Variants in CLN8 observed in about 807,000 individuals in gnomAD.
The protein encoded by CLN8 is protein CLN8.
Under a neutral mutation model 15.7 loss-of-function variants are expected in CLN8, and 14 were observed. The observed-to-expected ratio is 0.89, with a 90% confidence interval of 0.59 to 1.39. CLN8 has a LOEUF of 1.39. CLN8 is among the 40% of genes most tolerant of loss of function. The pLI, the probability that CLN8 is intolerant of heterozygous loss-of-function variation, is 0.00. For missense variants in CLN8, 415 were observed against 364.0 expected (o/e 1.14, Z -1.14); for synonymous variants, 188 against 151.0 (o/e 1.25, Z -1.80).
chr8:1,774,885 G>A lies in CLN8; in HGVS notation c.543+3288G>A, dbSNP rs550123324. Reference sequence around the variant, plus strand: ...GTCTGTAGTACCAGCCAATTGGGAGGCTAAGGTGGGAGGATCGCCTGGGAG... The same window carrying A: ...GTCTGTAGTACCAGCCAATTGGGAGACTAAGGTGGGAGGATCGCCTGGGAG... On this transcript the variant is annotated intron_variant, in intron 2 of 2. Transcript: ENST00000331222. 3.3e-5 allele frequency among the ~76,000 whole-genome samples: 5 copies of A among 152,272 alleles called. No individual in the cohort carries two copies. In the East Asian group the frequency reaches 7.7e-4, roughly 24 times the overall value.
chr8:1,780,083 T>G, intron 2 of CLN8, 167 bp from the exon 3 acceptor site: 1 of 985,464 alleles, frequency 1.0e-6, no homozygotes, highest in Non-Finnish European at 1.2e-6. Flanking sequence ...GTGGCCTCCT[T>G]TCAGAATGAA....
At position 1,785,204 on chromosome 8, in the gene CLN8, G is replaced by T; in HGVS notation, c.*4637G>T. 1 of 166,918 alleles carries T rather than the reference G, an allele frequency of 6.0e-6. No homozygotes were observed. Among genetic ancestry groups the T allele is most frequent in the Non-Finnish European group, 1.3e-5 (1 of 75,626 alleles). The allele number at this position is 166,918 out of a possible 1,614,324, so 10.3% of individuals were successfully genotyped here. On this transcript the variant is annotated 3_prime_UTR_variant, in exon 3 of 3. Transcript: ENST00000331222. ...CTCCTCAGGCTTGCGGCTCGGCCGCGAAGTGTGTCAGGTGTGCATCCTGGG... is the reference window on the plus strand; with the variant it reads ...CTCCTCAGGCTTGCGGCTCGGCCGCTAAGTGTGTCAGGTGTGCATCCTGGG...
upstream of CLN8, chr8:1,763,428 G>C (rs1204607352): frequency 1.4e-4 from 2 of 13,950 alleles, no homozygotes; most frequent in Admixed American, 9.2e-4. Flanking sequence ...CCCGCCCCCC[G>C]CCGCGCCCCG....
chr8:1,780,178 C>A, intron 2 of CLN8, 72 bp from the exon 3 acceptor site: 1 of 1,613,302 alleles, frequency 6.2e-7, no homozygotes, highest in Non-Finnish European at 8.5e-7. Context: ...GTAGCAAATA[C>A]CTTTTTGTGA....
rs1354938162 is a variant in CLN8 at position 1,780,362 on chromosome 8, G to C, written c.656G>C (p.Trp219Ser). ...YHMWWVCFWH[W>S]DGLVSSLYLP... ...ATGTGGTGGGTGTGTTTCTGGCACT[G>C]GGACGGCCTGGTCAGCAGCCTGTAT... The change falls in exon 3 of 3, where the codon TGG (tryptophan) becomes TCG (serine). Residue 219 changes from tryptophan to serine, a missense_variant. Coordinates refer to ENST00000331222, the MANE Select transcript of CLN8 (RefSeq NM_018941.4). 6.2e-7 allele frequency: 1 copy of C among 1,614,140 alleles called. No homozygotes were observed. Among genetic ancestry groups the C allele is most frequent in the South Asian group, 1.1e-5 (1 of 91,092 alleles).
upstream of CLN8, among the ~76,000 whole-genome samples, chr8:1,755,610 G>C (rs146289178): frequency 2.8e-4 from 42 of 152,266 alleles, no homozygotes; most frequent in African/African-American, 9.4e-4. Context: ...GATCACAACC[G>C]GTCTGCCCAG....
chr8:1,780,638 G>A lies in CLN8; in HGVS notation c.*71G>A. On this transcript the variant is annotated 3_prime_UTR_variant, in exon 3 of 3. Coordinates refer to ENST00000331222, the MANE Select transcript of CLN8 (RefSeq NM_018941.4). ...ATTCTGGGAAGCCCCGCGAATGATG[G>A]CTTTTGAATTAATGAGGCAGTGAAT... 7.0e-7 allele frequency: 1 copy of A among 1,424,350 alleles called. No individual in the cohort carries two copies. The highest frequency in any genetic ancestry group is 9.8e-7 in the Non-Finnish European group (1 of 1,020,396). 88.2% of individuals were successfully genotyped at this position (1,424,350 alleles called of 1,614,324 possible).
intron 2 of CLN8, among the ~76,000 whole-genome samples, chr8:1,775,732 T>C (rs1241467401): frequency 1.3e-5 from 2 of 152,202 alleles, no homozygotes; most frequent in African/African-American, 4.8e-5. Flanking sequence ...TTCATCACTG[T>C]GTGGGGCCTT....
chr8:1,777,134 G>A (rs1801552321), intron 2 of CLN8, among the ~76,000 whole-genome samples: 1 of 152,134 alleles, frequency 6.6e-6, no homozygotes, highest in Non-Finnish European at 1.5e-5. Context: ...AAAGCCCATT[G>A]TTCCCAGGCT....
intron 2 of CLN8, among the ~76,000 whole-genome samples, chr8:1,772,327 T>C (rs1801345805): frequency 6.6e-6 from 1 of 152,236 alleles, no homozygotes; most frequent in African/African-American, 2.4e-5. Flanking sequence ...GTTGTACTAG[T>C]GCTCAGAAGT....
At chr8:1,778,529 G>A (rs941819132) in intron 2 of CLN8, among the ~76,000 whole-genome samples, 2 of 152,218 alleles carry the variant, frequency 1.3e-5, no homozygotes, top group Admixed American at 6.5e-5. Context: ...TGCTGAGTGC[G>A]GTGAAGCATG....
intron 1 of CLN8, chr8:1,758,147 A>G (rs1800714768): frequency 6.6e-6 from 1 of 152,174 alleles, no homozygotes; most frequent in South Asian, 2.1e-4. Context: ...TTCAGTTTTT[A>G]AGAAAGATAC....
upstream of CLN8, among the ~76,000 whole-genome samples, chr8:1,753,215 G>C (rs1427652404): frequency 6.6e-6 from 1 of 152,170 alleles, no homozygotes; most frequent in Non-Finnish European, 1.5e-5. Flanking sequence ...TCAGGAATCT[G>C]TTACTGATTC....
rs902100481 is a variant in CLN8, at chr8:1,780,662, A to G, written c.*95A>G. On this transcript the variant is annotated 3_prime_UTR_variant, in exon 3 of 3. Transcript: ENST00000331222. Reference sequence around the variant, plus strand: ...GGCTTTTGAATTAATGAGGCAGTGAATGTTTTGTGTTTACTTCTAAGGGAA... The same window carrying G: ...GGCTTTTGAATTAATGAGGCAGTGAGTGTTTTGTGTTTACTTCTAAGGGAA... The G allele has an allele frequency of 3.4e-6, 4 of 1,176,004 alleles. No homozygotes were observed. Among genetic ancestry groups the G allele is most frequent in the Non-Finnish European group, 4.9e-6 (4 of 810,200 alleles). The allele number at this position is 1,176,004 out of a possible 1,614,324, so 72.8% of individuals were successfully genotyped here. A position where few individuals can be genotyped will look rare whatever the true frequency, so the allele number is the denominator to read the frequency against.
chr8:1,759,066 A>AGTCAGTAT (rs1800733698), upstream of CLN8: 1 of 152,214 alleles, frequency 6.6e-6, no homozygotes, highest in Admixed American at 6.5e-5. Context: ...TACTAGAGTC[A>AGTCAGTAT]GGTTGGAATG....
In CLN8 at chr8:1,767,426, A is replaced by G. The variant is rs531471410; in HGVS notation, c.-123-3506A>G. Among the ~76,000 whole-genome samples the G allele has an allele frequency of 2.0e-3, 302 of 152,280 alleles. 3 individuals are homozygous for G. Among genetic ancestry groups the G allele is most frequent in the African/African-American group, 7.1e-3 (296 of 41,554 alleles). On this transcript the variant is annotated intron_variant, in intron 1 of 2. Transcript: ENST00000331222. ...ACCTATCTGCCACTTTTCTGTAGATATGGTAATCTCTCCAAAAAGATATCT... is the reference window on the plus strand; with the variant it reads ...ACCTATCTGCCACTTTTCTGTAGATGTGGTAATCTCTCCAAAAAGATATCT...
chr8:1,771,723 T>A (rs1018131139), intron 2 of CLN8, 126 bp downstream of exon 2: 59 of 833,522 alleles, frequency 7.1e-5, no homozygotes, highest in Non-Finnish European at 1.1e-4. Context: ...AGTTACAAAC[T>A]CATTTTAGTT....
At chr8:1,778,710 T>TC (rs1475404375) in intron 2 of CLN8, among the ~76,000 whole-genome samples, 8 of 152,088 alleles carry the variant, frequency 5.3e-5, no homozygotes, top group African/African-American at 1.7e-4. Context: ...AGCCCTGAGG[T>TC]CCCCTCTGAG....
chr8:1,773,071 CG>C, intron 2 of CLN8: 1 of 397,014 alleles, frequency 2.5e-6, no homozygotes, highest in Non-Finnish European at 4.4e-6. Flanking sequence ...GGACACCAGC[CG>C]GGTGTCAGAT....
Sources: allele counts gnomAD v4.1 joint callset (sites outside exome capture counted in the v4.1 genomes callset), GRCh38; gene constraint gnomAD v4.1.1; transcripts MANE v1.5; gene names NCBI Gene and HGNC (gene_info 2026-07-23, HGNC 2026-07-21).